KCNQ5: variants seen among roughly 807,000 people sequenced by gnomAD.
KCNQ5 encodes the protein potassium voltage-gated channel subfamily KQT member 5.
Under a neutral mutation model 98.2 loss-of-function variants are expected in KCNQ5, and 30 were observed. That is an observed-to-expected ratio of 0.31 (90% CI 0.23 to 0.41). The LOEUF (loss-of-function observed/expected upper bound fraction) is 0.41, where lower values mean the gene tolerates loss of function less well. Among genes scored for constraint, KCNQ5 ranks in the 10% least tolerant of loss-of-function variants. The pLI is 1.00. For synonymous variants in KCNQ5, 458 were observed against 449.4 expected, an observed-to-expected ratio of 1.02 and a Z score of -0.24; for missense variants, 835 against 1,182.5, an observed-to-expected ratio of 0.71 and a Z score of 4.31.
chr6:72,627,845 T>C (rs967501349), intron 1 of KCNQ5, among the ~76,000 whole-genome samples: 3 of 152,244 alleles, frequency 2.0e-5, no homozygotes, highest in African/African-American at 4.8e-5. Flanking sequence ...CCCTTGCTAT[T>C]AAACTCCTAA....
At chr6:72,861,493 C>T (rs554847306) in intron 1 of KCNQ5, among the ~76,000 whole-genome samples, 1 of 152,158 alleles carries the variant, frequency 6.6e-6, no homozygotes, top group East Asian at 1.9e-4. Context: ...CCAGAATGTC[C>T]CTAAGTAAAG....
intron 3 of KCNQ5, among the ~76,000 whole-genome samples, chr6:73,068,229 G>A (rs966585917): frequency 1.3e-5 from 2 of 152,148 alleles, no homozygotes; most frequent in Non-Finnish European, 2.9e-5. Flanking sequence ...CCTAGAGGTG[G>A]AGGTTGCAGT....
chr6:72,661,545 C>T (rs1766526901), intron 1 of KCNQ5, among the ~76,000 whole-genome samples: 2 of 151,846 alleles, frequency 1.3e-5, no homozygotes, highest in African/African-American at 4.8e-5. Context: ...AGTTTCTTAC[C>T]ATATGTTTTC....
chr6:72,901,132 C>T (rs1249053355), intron 1 of KCNQ5, among the ~76,000 whole-genome samples: 1 of 131,894 alleles, frequency 7.6e-6, no homozygotes. Context: ...CCCCCTCCCC[C>T]CTCCCCCGAC....
chr6:72,920,964 G>A (rs1175198020), intron 1 of KCNQ5, among the ~76,000 whole-genome samples: 1 of 152,112 alleles, frequency 6.6e-6, no homozygotes, highest in Non-Finnish European at 1.5e-5. Flanking sequence ...CAATTCAACA[G>A]ACATTTATTG....
At chr6:72,700,291 ATATCTATCTATC>A (rs70994146) in intron 1 of KCNQ5, among the ~76,000 whole-genome samples, 5,918 of 149,150 alleles carry the variant, frequency 0.04, 133 homozygotes, top group Middle Eastern at 0.13. Flanking sequence ...CTATATATCT[ATATCTATCTATC>A]TATCTATCTA....
intron 5 of KCNQ5, among the ~76,000 whole-genome samples, chr6:73,080,081 G>T (rs867346283): frequency 1.3e-5 from 2 of 152,104 alleles, no homozygotes; most frequent in South Asian, 2.1e-4. Context: ...AAAAAGAATT[G>T]CTGTATTGTG....
intron 1 of KCNQ5, among the ~76,000 whole-genome samples, chr6:72,725,488 G>C (rs1016477485): frequency 6.6e-6 from 1 of 152,138 alleles, no homozygotes; most frequent in Non-Finnish European, 1.5e-5. Context: ...CAGAAGTAGA[G>C]AGTAGAATAG....
At chr6:72,981,371 C>T (rs979098386) in intron 1 of KCNQ5, among the ~76,000 whole-genome samples, 6 of 152,086 alleles carry the variant, frequency 3.9e-5, no homozygotes, top group Non-Finnish European at 8.8e-5. Context: ...TCAACTTCTT[C>T]CTGGTTTAGT....
At chr6:73,192,531 G>T in intron 12 of KCNQ5, 34 bp from the exon 13 acceptor site, 1 of 1,562,574 alleles carries the variant, frequency 6.4e-7, no homozygotes, top group South Asian at 1.2e-5. Context: ...TCCACCTTCA[G>T]CCCTCATAAT....
chr6:72,625,021 A>C (rs1017670249), intron 1 of KCNQ5, among the ~76,000 whole-genome samples: 2 of 152,194 alleles, frequency 1.3e-5, no homozygotes, highest in Non-Finnish European at 2.9e-5. Context: ...GGAATCCCCA[A>C]ATCTTATTTT....
intron 1 of KCNQ5, among the ~76,000 whole-genome samples, chr6:72,920,747 C>T (rs765699977): frequency 1.5e-4 from 23 of 152,190 alleles, no homozygotes; most frequent in Non-Finnish European, 3.1e-4. Context: ...TGTATTTTGT[C>T]TGATTTTCTA....
intron 1 of KCNQ5, among the ~76,000 whole-genome samples, chr6:72,692,634 AT>A (rs1768270229): frequency 6.6e-6 from 1 of 152,214 alleles, no homozygotes; most frequent in South Asian, 2.1e-4. Flanking sequence ...ACAGCTAGGA[AT>A]GGGCTCTGCA....
intron 1 of KCNQ5, among the ~76,000 whole-genome samples, chr6:72,910,582 G>C (rs949529432): frequency 4.6e-5 from 7 of 151,204 alleles, no homozygotes; most frequent in Non-Finnish European, 7.4e-5. Context: ...GTGTGTGTGT[G>C]TGTGTGTGTG....
At chr6:72,823,664 C>A (rs964317637) in intron 1 of KCNQ5, among the ~76,000 whole-genome samples, 4 of 152,154 alleles carry the variant, frequency 2.6e-5, no homozygotes, top group Non-Finnish European at 5.9e-5. Flanking sequence ...CTTTCTGAGT[C>A]TTTCAGATGC....
chr6:72,676,117 G>A (rs1767391845), intron 1 of KCNQ5, among the ~76,000 whole-genome samples: 1 of 152,092 alleles, frequency 6.6e-6, no homozygotes, highest in African/African-American at 2.4e-5. Context: ...TTTGGATAAT[G>A]GGAGGTAACT....
At chr6:73,046,018 A>C (rs1487044339) in intron 3 of KCNQ5, among the ~76,000 whole-genome samples, 1 of 152,198 alleles carries the variant, frequency 6.6e-6, no homozygotes, top group Non-Finnish European at 1.5e-5. Flanking sequence ...TCCTACGTGG[A>C]TAAAATAAAA....
chr6:72,756,214 A>C (rs944534329), intron 1 of KCNQ5, among the ~76,000 whole-genome samples: 1 of 152,152 alleles, frequency 6.6e-6, no homozygotes, highest in Non-Finnish European at 1.5e-5. Flanking sequence ...CTTGAGGGGC[A>C]TATCACTCTT....
At chr6:72,940,847 A>G (rs1223014558) in intron 1 of KCNQ5, among the ~76,000 whole-genome samples, 1 of 152,194 alleles carries the variant, frequency 6.6e-6, no homozygotes, top group East Asian at 1.9e-4. Flanking sequence ...TAACGATTAA[A>G]TAAGGTAATA....
Sources: gnomAD v4.1 joint callset for allele counts (sites outside exome capture counted in the v4.1 genomes callset) on GRCh38, gnomAD v4.1.1 for gene constraint, MANE v1.5 for transcripts, NCBI Gene and HGNC (gene_info 2026-07-23, HGNC 2026-07-21) for gene names.